The following CDH18 variants were observed in gnomAD, a reference collection of about 807,000 sequenced individuals.
The protein encoded by CDH18 is cadherin-18.
A neutral mutation model predicts 67.9 loss-of-function variants in CDH18; 31 were observed. That is an observed-to-expected ratio of 0.46 (90% CI 0.34 to 0.62). The LOEUF is 0.62. Ranked by LOEUF, CDH18 falls within the 20% of genes least tolerant of loss-of-function variation. The pLI is 0.01. For synonymous variants in CDH18, 362 were observed against 347.2 expected (o/e 1.04, Z -0.48); for missense variants, 890 against 975.5 (o/e 0.91, Z 1.17).
intron 6 of CDH18, among the ~76,000 whole-genome samples, chr5:19,602,187 T>A (rs964606345): frequency 3.3e-5 from 5 of 152,032 alleles, no homozygotes; most frequent in African/African-American, 1.2e-4. Flanking sequence ...CATGATCTTA[T>A]ACATAGAAAG....
intron 2 of CDH18, among the ~76,000 whole-genome samples, chr5:19,965,018 A>G (rs1001016718): frequency 6.6e-6 from 1 of 152,182 alleles, no homozygotes; most frequent in Non-Finnish European, 1.5e-5. Flanking sequence ...TGCAATATAT[A>G]CCATAAAATG....
At chr5:20,256,604 A>T (rs775836061) in intron 1 of CDH18, among the ~76,000 whole-genome samples, 5 of 152,068 alleles carry the variant, frequency 3.3e-5, no homozygotes, top group Admixed American at 2.0e-4. Flanking sequence ...GGAGGGGTGG[A>T]CGAGAGAAAA....
At chr5:20,435,445 T>G (rs1055797508) in intron 1 of CDH18, among the ~76,000 whole-genome samples, 1 of 152,074 alleles carries the variant, frequency 6.6e-6, no homozygotes, top group Non-Finnish European at 1.5e-5. Flanking sequence ...TGCTGACATT[T>G]CCAGTATCTA....
intron 5 of CDH18, among the ~76,000 whole-genome samples, chr5:19,671,232 T>C (rs1472645019): frequency 2.0e-5 from 3 of 152,134 alleles, no homozygotes; most frequent in Non-Finnish European, 4.4e-5. Flanking sequence ...TTATGTGCTC[T>C]CAGGTCACCA....
intron 1 of CDH18, among the ~76,000 whole-genome samples, chr5:20,548,503 A>G (rs1757464339): frequency 6.6e-6 from 1 of 151,206 alleles, no homozygotes. Context: ...TAATTTTTTT[A>G]AGGCACAACA....
intron 2 of CDH18, among the ~76,000 whole-genome samples, chr5:19,940,174 T>C (rs1794675956): frequency 1.3e-5 from 2 of 151,688 alleles, no homozygotes; most frequent in Non-Finnish European, 2.9e-5. Context: ...ATTTAACTTT[T>C]TGAAGATAAA....
At chr5:20,331,210 T>C (rs1739141130) in intron 1 of CDH18, 2 of 152,230 alleles carry the variant, frequency 1.3e-5, no homozygotes, top group African/African-American at 2.4e-5. Flanking sequence ...TATAAAGACC[T>C]GAATCTCTAC....
chr5:19,518,597 T>C (rs1746402849), intron 10 of CDH18, among the ~76,000 whole-genome samples: 1 of 152,134 alleles, frequency 6.6e-6, no homozygotes, highest in East Asian at 1.9e-4. Flanking sequence ...CCCTCGTCTT[T>C]TTCCTGTGCT....
chr5:19,541,160 A>G (rs937696133), intron 9 of CDH18, among the ~76,000 whole-genome samples: 3 of 152,036 alleles, frequency 2.0e-5, no homozygotes, highest in African/African-American at 7.2e-5. Flanking sequence ...AATAAGAGTC[A>G]CCTTTGCTCC....
At chr5:20,354,714 A>G (rs1175902176) in intron 1 of CDH18, among the ~76,000 whole-genome samples, 1 of 152,012 alleles carries the variant, frequency 6.6e-6, no homozygotes, top group Non-Finnish European at 1.5e-5. Flanking sequence ...GCCTGTCTCA[A>G]CTCCTAAGCT....
At chr5:19,843,810 G>C (rs1008363166) in intron 2 of CDH18, among the ~76,000 whole-genome samples, 1 of 152,244 alleles carries the variant, frequency 6.6e-6, no homozygotes, top group Non-Finnish European at 1.5e-5. Context: ...TGCCCTGCAT[G>C]TGAGACATGG....
intron 3 of CDH18, among the ~76,000 whole-genome samples, chr5:19,757,231 C>T (rs537098281): frequency 2.0e-5 from 3 of 152,264 alleles, no homozygotes; most frequent in East Asian, 1.9e-4. Context: ...ATTGTGTGCA[C>T]GATAGGCAAA....
intron 2 of CDH18, among the ~76,000 whole-genome samples, chr5:20,251,023 A>G (rs965193485): frequency 2.6e-5 from 4 of 152,180 alleles, no homozygotes; most frequent in African/African-American, 9.6e-5. Context: ...GAACTAACAT[A>G]AAAACTGAGC....
chr5:20,520,903 G>T (rs1755704307), intron 1 of CDH18, among the ~76,000 whole-genome samples: 1 of 152,192 alleles, frequency 6.6e-6, no homozygotes, highest in South Asian at 2.1e-4. Flanking sequence ...AACAGGCATG[G>T]TCATGATTGG....
chr5:19,672,955 G>C (rs1468529390), intron 5 of CDH18, among the ~76,000 whole-genome samples: 1 of 151,908 alleles, frequency 6.6e-6, no homozygotes, highest in Non-Finnish European at 1.5e-5. Context: ...TTTCAGAAAT[G>C]ACCTTTTCTT....
At chr5:19,702,837 C>T (rs994127766) in intron 5 of CDH18, among the ~76,000 whole-genome samples, 18 of 152,178 alleles carry the variant, frequency 1.2e-4, no homozygotes, top group African/African-American at 1.7e-4. Flanking sequence ...GTTGGTTTAC[C>T]GGAATGAGAG....
intron 2 of CDH18, among the ~76,000 whole-genome samples, chr5:19,918,460 C>A (rs1175848960): frequency 6.6e-6 from 1 of 152,124 alleles, no homozygotes; most frequent in Non-Finnish European, 1.5e-5. Flanking sequence ...ACAACAATTT[C>A]TCTGCAAATG....
chr5:20,020,365 A>G (rs1305614380), intron 2 of CDH18, among the ~76,000 whole-genome samples: 1 of 152,134 alleles, frequency 6.6e-6, no homozygotes, highest in Non-Finnish European at 1.5e-5. Flanking sequence ...CAGGAGCTGA[A>G]CGTTAATAGC....
chr5:20,383,350 C>T (rs1744066198), intron 1 of CDH18, among the ~76,000 whole-genome samples: 1 of 152,142 alleles, frequency 6.6e-6, no homozygotes, highest in African/African-American at 2.4e-5. Flanking sequence ...TAATTTGTCA[C>T]TGTCCATATG....
Sources: allele counts gnomAD v4.1 joint callset (sites outside exome capture counted in the v4.1 genomes callset), GRCh38; gene constraint gnomAD v4.1.1; transcripts MANE v1.5; gene names NCBI Gene and HGNC (gene_info 2026-07-23, HGNC 2026-07-21).